The following ACER2 variants were observed in gnomAD, a reference collection of about 807,000 sequenced individuals.
ACER2 encodes the protein alkaline ceramidase 2.
A neutral mutation model predicts 34.7 loss-of-function variants in ACER2; 26 were observed. The ratio of observed to expected loss-of-function variants is 0.75; its 90% CI spans 0.55 to 1.04. The LOEUF (loss-of-function observed/expected upper bound fraction) is 1.04, where lower values mean the gene tolerates loss of function less well. Ranked by LOEUF, ACER2 falls within the 50% of genes least tolerant of loss-of-function variation. The pLI is 0.00. For synonymous variants in ACER2, 138 were observed against 132.1 expected (o/e 1.04, Z -0.31); for missense variants, 352 against 340.8 (o/e 1.03, Z -0.26).
At position 19,425,327 on chromosome 9, in the gene ACER2, G is replaced by A. The variant is rs962766855; in HGVS notation, c.365+486G>A. On this transcript the variant is annotated intron_variant, in intron 3 of 5. Coordinates refer to ENST00000340967, the MANE Select transcript of ACER2 (RefSeq NM_001010887.3). ...AGATGAGAGCTGTGCACCTGCGTGC[G>A]TGCGCGTGCACACACACACATACAC... Among the ~76,000 whole-genome samples the A allele has an allele frequency of 5.3e-5, 8 of 152,228 alleles. No homozygotes were observed. In the East Asian group the frequency reaches 5.8e-4, roughly 11 times the overall value.
intron 1 of ACER2, among the ~76,000 whole-genome samples, chr9:19,420,992 T>C (rs1830388086): frequency 6.6e-6 from 1 of 152,188 alleles, no homozygotes; most frequent in South Asian, 2.1e-4. Context: ...TTATAGACCA[T>C]ACTTACACAA....
At chr9:19,421,489 A>G (rs1830406618) in intron 1 of ACER2, among the ~76,000 whole-genome samples, 1 of 152,356 alleles carries the variant, frequency 6.6e-6, no homozygotes, top group Middle Eastern at 3.4e-3. Context: ...TAAGCTAGAT[A>G]CAAAAGGACA....
chr9:19,445,704 G>A (rs534906730), intron 4 of ACER2, among the ~76,000 whole-genome samples: 17 of 152,310 alleles, frequency 1.1e-4, no homozygotes, highest in African/African-American at 3.6e-4. Flanking sequence ...TGAGAGGGAA[G>A]AGTACACACG....
rs370536978 is a variant in ACER2, at chr9:19,431,636, C to T, written c.366-3311C>T. Among the ~76,000 whole-genome samples, 120 of 152,250 alleles carry T rather than the reference C, an allele frequency of 7.9e-4. 2 individuals are homozygous for T. The South Asian group carries it at 0.022, about 28-fold the overall frequency. ...AGCAGGCGGCCTTTCCTCCAGTAGA[C>T]GAAGAACAGCAGCCGAGGCCAGGAG... On this transcript the variant is annotated intron_variant, in intron 3 of 5. Transcript: ENST00000340967.
intron 1 of ACER2, among the ~76,000 whole-genome samples, chr9:19,421,446 T>C (rs889991328): frequency 6.6e-6 from 1 of 152,212 alleles, no homozygotes; most frequent in South Asian, 2.1e-4. Flanking sequence ...GTAATATGGA[T>C]GAACCTTAAA....
intron 2 of ACER2, chr9:19,424,469 A>T: frequency 2.0e-6 from 2 of 985,348 alleles, no homozygotes; most frequent in African/African-American, 3.5e-5. Flanking sequence ...TTAACTGTGG[A>T]ATTGTTAAAG....
chr9:19,445,618 T>A lies in ACER2; in HGVS notation c.504-663T>A, dbSNP rs570957465. 4.6e-5 allele frequency among the ~76,000 whole-genome samples: 7 copies of A among 152,128 alleles called. No homozygotes were observed. In the East Asian group the frequency reaches 1.4e-3, roughly 29 times the overall value. On this transcript the variant is annotated intron_variant, in intron 4 of 5. Coordinates refer to ENST00000340967, the MANE Select transcript of ACER2 (RefSeq NM_001010887.3). ...ATTCCAGGCAAGAGGGCACAGTGAGTGCTATGGTCTTGCAGGAGCATGCTT... is the reference window on the plus strand; with the variant it reads ...ATTCCAGGCAAGAGGGCACAGTGAGAGCTATGGTCTTGCAGGAGCATGCTT...
chr9:19,442,132 A>C (rs758140929), intron 4 of ACER2, among the ~76,000 whole-genome samples: 1 of 152,158 alleles, frequency 6.6e-6, no homozygotes, highest in Non-Finnish European at 1.5e-5. Context: ...CTGACACTGA[A>C]ATTGGTGGTG....
intron 5 of ACER2, among the ~76,000 whole-genome samples, chr9:19,448,219 C>T (rs1189264775): frequency 6.6e-6 from 1 of 152,016 alleles, no homozygotes; most frequent in Non-Finnish European, 1.5e-5. Flanking sequence ...TGCCATGTTG[C>T]CCAGGCTAGT....
chr9:19,415,244 A>C (rs1830207236), intron 1 of ACER2, among the ~76,000 whole-genome samples: 1 of 152,188 alleles, frequency 6.6e-6, no homozygotes. Context: ...TAATCCCAGC[A>C]CTTTGGGAGG....
At chr9:19,433,611 C>T (rs546557192) in intron 3 of ACER2, among the ~76,000 whole-genome samples, 1 of 152,388 alleles carries the variant, frequency 6.6e-6, no homozygotes, top group South Asian at 2.1e-4. Flanking sequence ...ACCTTTCCTC[C>T]CTTTCTATTC....
At chr9:19,447,083 G>A (rs1180450342) in intron 5 of ACER2, among the ~76,000 whole-genome samples, 1 of 151,994 alleles carries the variant, frequency 6.6e-6, no homozygotes, top group Non-Finnish European at 1.5e-5. Flanking sequence ...AGAAAGCTGG[G>A]GGAAATTGGA....
rs1447797122 is a variant in ACER2, at chr9:19,433,203, G to A, written c.366-1744G>A. On this transcript the variant is annotated intron_variant, in intron 3 of 5. Transcript: ENST00000340967. ...ATCATTCTTGGGTGTTTCTCACAGA[G>A]GGGGATTTGGCAGGGTCATAGGACA... Among the ~76,000 whole-genome samples, 4 of 147,298 alleles carry A rather than the reference G, an allele frequency of 2.7e-5. No homozygotes were observed. In the East Asian group the frequency reaches 7.9e-4, roughly 29 times the overall value.
Position 19,409,069 on chromosome 9 carries a change from A to C in ACER2, c.-16A>C. 1 of 1,563,202 alleles carries C rather than the reference A, an allele frequency of 6.4e-7. No individual in the cohort carries two copies. Among genetic ancestry groups the C allele is most frequent in the Non-Finnish European group, 8.7e-7 (1 of 1,154,542 alleles). On this transcript the variant is annotated 5_prime_UTR_variant, in exon 1 of 6. It removes an upstream start codon present in the reference 5' UTR. Transcript: ENST00000340967. ...CTCAGCTGCGCGAGCAGCTGCTCCA[A>C]TGCCCCGGAGTGGCCATGGGCGCCC...
chr9:19,411,556 G>A (rs1179139412), intron 1 of ACER2, among the ~76,000 whole-genome samples: 4 of 150,072 alleles, frequency 2.7e-5, no homozygotes, highest in Non-Finnish European at 5.9e-5. Flanking sequence ...GTGTTCTTAC[G>A]TACTACTTAT....
chr9:19,416,557 C>A (rs1298410845), intron 1 of ACER2, among the ~76,000 whole-genome samples: 2 of 151,792 alleles, frequency 1.3e-5, no homozygotes. Context: ...TTTTTTGAGA[C>A]TCTTGTCGCC....
At chr9:19,423,712 G>GAAAAA in intron 1 of ACER2, 150 bp from the exon 2 acceptor site, 3 of 618,640 alleles carry the variant, frequency 4.8e-6, no homozygotes, top group Non-Finnish European at 8.6e-6. Context: ...CCATCTCAAA[G>GAAAAA]AGAAAAGAAA....
At chr9:19,443,366 C>A (rs1393408512) in intron 4 of ACER2, among the ~76,000 whole-genome samples, 1 of 152,164 alleles carries the variant, frequency 6.6e-6, no homozygotes, top group Non-Finnish European at 1.5e-5. Context: ...CGGGGTTTCA[C>A]CCTGTCAGCC....
At chr9:19,450,369 A>G (rs1831522718) in intron 5 of ACER2, 81 bp from the exon 6 acceptor site, 2 of 1,442,966 alleles carry the variant, frequency 1.4e-6, no homozygotes, top group African/African-American at 1.4e-5. Context: ...CGTGGGTTAG[A>G]CCGGAAGAAG....
Sources: gnomAD v4.1 joint callset for allele counts (sites outside exome capture counted in the v4.1 genomes callset) on GRCh38, gnomAD v4.1.1 for gene constraint, MANE v1.5 for transcripts, NCBI Gene and HGNC (gene_info 2026-07-23, HGNC 2026-07-21) for gene names.